PGM5: variants seen among roughly 807,000 people sequenced by gnomAD.
The protein encoded by PGM5 is phosphoglucomutase 5.
In PGM5, 23 loss-of-function variants were observed where a neutral mutation model predicts 59.2. The observed-to-expected ratio is 0.39, with a 90% confidence interval of 0.28 to 0.55. The LOEUF (loss-of-function observed/expected upper bound fraction) is 0.55. PGM5 is among the 20% of genes least tolerant of loss of function. The pLI, the probability that PGM5 is intolerant of heterozygous loss-of-function variation, is 0.66. For missense variants in PGM5, 574 were observed against 748.3 expected, an observed-to-expected ratio of 0.77 and a Z score of 2.72; for synonymous variants, 214 against 286.0, an observed-to-expected ratio of 0.75 and a Z score of 2.54.
At chr9:68,361,751 G>T (rs1305808338) in intron 1 of PGM5, among the ~76,000 whole-genome samples, 2 of 152,100 alleles carry the variant, frequency 1.3e-5, no homozygotes, top group Non-Finnish European at 1.5e-5. Flanking sequence ...CACCTTTGGG[G>T]TTAGGATGTC....
At chr9:68,462,861 G>T (rs1554685503) in intron 6 of PGM5, among the ~76,000 whole-genome samples, 1 of 152,104 alleles carries the variant, frequency 6.6e-6, no homozygotes, top group East Asian at 1.9e-4. Context: ...TGAAATTCAT[G>T]TTATTCTGAC....
intron 6 of PGM5, among the ~76,000 whole-genome samples, chr9:68,436,052 C>T (rs1823436916): frequency 6.6e-6 from 1 of 152,146 alleles, no homozygotes; most frequent in South Asian, 2.1e-4. Context: ...AAATGTCAGC[C>T]CCAGCACCAA....
At chr9:68,459,624 C>T (rs941186055) in intron 6 of PGM5, among the ~76,000 whole-genome samples, 3 of 152,148 alleles carry the variant, frequency 2.0e-5, no homozygotes, top group East Asian at 3.9e-4. Flanking sequence ...ATTTGCATCC[C>T]TTCAACAGTA....
At chr9:68,409,596 A>G (rs1255819543) in intron 6 of PGM5, among the ~76,000 whole-genome samples, 2 of 125,068 alleles carry the variant, frequency 1.6e-5, no homozygotes, top group Non-Finnish European at 3.4e-5. Context: ...GAAATTGGAA[A>G]TCATCATTCT....
chr9:68,494,123 T>C (rs1587215077), intron 9 of PGM5, among the ~76,000 whole-genome samples: 2 of 152,192 alleles, frequency 1.3e-5, no homozygotes, highest in East Asian at 3.9e-4. Flanking sequence ...TGTGTGGCTA[T>C]GTGTCATCCT....
intron 10 of PGM5, among the ~76,000 whole-genome samples, chr9:68,521,454 G>A (rs1468600394): frequency 6.6e-6 from 1 of 152,210 alleles, no homozygotes; most frequent in African/African-American, 2.4e-5. Flanking sequence ...GTAACAAACT[G>A]GAGAGGCAAA....
intron 1 of PGM5, among the ~76,000 whole-genome samples, chr9:68,369,272 G>A (rs409014): frequency 0.013 from 1,942 of 152,152 alleles, 53 homozygotes; most frequent in African/African-American, 0.044. Flanking sequence ...GGGATCTTGC[G>A]CAAAGTCACC....
chr9:68,486,560 C>A (rs1554687549), intron 9 of PGM5, among the ~76,000 whole-genome samples: 2 of 152,168 alleles, frequency 1.3e-5, no homozygotes, highest in African/African-American at 4.8e-5. Context: ...TAGCTTCTTT[C>A]ACTTATTGTA....
intron 10 of PGM5, among the ~76,000 whole-genome samples, chr9:68,504,418 T>C (rs1184611309): frequency 6.6e-6 from 1 of 152,228 alleles, no homozygotes; most frequent in Non-Finnish European, 1.5e-5. Flanking sequence ...TTGAATGACA[T>C]ACTGGAAATG....
At position 68,456,372 on chromosome 9, in the gene PGM5, G is replaced by A. The variant is rs528478390; in HGVS notation, c.1044-8721G>A. 5.9e-5 allele frequency among the ~76,000 whole-genome samples: 9 copies of A among 151,736 alleles called. 1 individual carries two copies. The East Asian group carries it at 1.2e-3, about 20-fold the overall frequency. On this transcript the variant is annotated intron_variant, in intron 6 of 10. Transcript: ENST00000396396. ...GTCACCCAGGCTGAAGTGCAGTGGC[G>A]AGATCTTGGCTCACTGCAATCTCCG...
chr9:68,374,130 C>T (rs1428385849), intron 1 of PGM5, among the ~76,000 whole-genome samples: 1 of 152,286 alleles, frequency 6.6e-6, no homozygotes, highest in Non-Finnish European at 1.5e-5. Context: ...TTGTGGACTG[C>T]TATCCCAGTC....
chr9:68,377,615 G>A (rs1821955383), intron 1 of PGM5, among the ~76,000 whole-genome samples: 1 of 152,282 alleles, frequency 6.6e-6, no homozygotes, highest in South Asian at 2.1e-4. Flanking sequence ...TCTCTGCTTA[G>A]CATGACTGGG....
At chr9:68,523,817 C>T (rs1406497818) in intron 10 of PGM5, among the ~76,000 whole-genome samples, 1 of 152,172 alleles carries the variant, frequency 6.6e-6, no homozygotes, top group Non-Finnish European at 1.5e-5. Context: ...CACTAGGTTC[C>T]CTCCACAGAT....
At chr9:68,421,739 A>G (rs573693953) in intron 6 of PGM5, among the ~76,000 whole-genome samples, 1 of 152,086 alleles carries the variant, frequency 6.6e-6, no homozygotes, top group South Asian at 2.1e-4. Context: ...AAACAAAACA[A>G]AACAGAAATA....
chr9:68,427,408 G>A (rs533627958), intron 6 of PGM5, among the ~76,000 whole-genome samples: 2 of 152,318 alleles, frequency 1.3e-5, no homozygotes, highest in Non-Finnish European at 2.9e-5. Flanking sequence ...TGTTGTCTGA[G>A]CCAGGATGTG....
chr9:68,522,565 T>C (rs1351953476), intron 10 of PGM5, among the ~76,000 whole-genome samples: 1 of 152,246 alleles, frequency 6.6e-6, no homozygotes, highest in Non-Finnish European at 1.5e-5. Flanking sequence ...TTTGGGTTTG[T>C]TGGTGGTAGA....
intron 9 of PGM5, among the ~76,000 whole-genome samples, chr9:68,492,330 T>C (rs1824405708): frequency 6.6e-6 from 1 of 152,060 alleles, no homozygotes; most frequent in South Asian, 2.1e-4. Context: ...GAGTTGGAAT[T>C]TGGATGAGGA....
chr9:68,529,639 C>A lies in PGM5; in HGVS notation c.1687C>A (p.Pro563Thr). The change falls in exon 11 of 11, where the codon CCC (proline) becomes ACC (threonine). Residue 563 changes from proline to threonine, a missense_variant. By Grantham distance (38) the Pro-to-Thr change is conservative. Coordinates refer to ENST00000396396, the MANE Select transcript of PGM5 (RefSeq NM_021965.4). ...QIHERTGRRG[P>T]TVIT The stretch of plus-strand genomic sequence containing the variant: ...TCATGAGAGAACTGGCCGGAGGGGA[C>A]CCACTGTCATCACCTGAATAGAGGA... 1 of 1,595,974 alleles carries A rather than the reference C, an allele frequency of 6.3e-7. No individual in the cohort carries two copies. The highest frequency in any genetic ancestry group is 1.1e-5 in the South Asian group (1 of 88,760).
At chr9:68,498,945 C>T in intron 9 of PGM5, 2 of 353,702 alleles carry the variant, frequency 5.7e-6, no homozygotes, top group East Asian at 5.5e-5. Context: ...TTTCTGATTC[C>T]CATATCACCA....
Sources: gnomAD v4.1 joint callset for allele counts (sites outside exome capture counted in the v4.1 genomes callset) on GRCh38, gnomAD v4.1.1 for gene constraint, MANE v1.5 for transcripts, NCBI Gene and HGNC (gene_info 2026-07-23, HGNC 2026-07-21) for gene names.